AFG1L: variants seen among roughly 807,000 people sequenced by gnomAD.
The protein encoded by AFG1L is AFG1 like ATPase.
Under a neutral mutation model 62.2 loss-of-function variants are expected in AFG1L, and 53 were observed. That is an observed-to-expected ratio of 0.85 (90% CI 0.68 to 1.07). The LOEUF (loss-of-function observed/expected upper bound fraction) is 1.07, where lower values mean the gene tolerates loss of function less well. Among genes scored for constraint, AFG1L ranks in the 50% least tolerant of loss-of-function variants. AFG1L has a pLI of 0.00. For missense variants in AFG1L, 555 were observed against 590.5 expected, an observed-to-expected ratio of 0.94 and a Z score of 0.62; for synonymous variants, 228 against 210.3, an observed-to-expected ratio of 1.08 and a Z score of -0.73.
At chr6:108,353,153 A>ATTTTTT (rs35734578) in intron 3 of AFG1L, among the ~76,000 whole-genome samples, 1 of 121,020 alleles carries the variant, frequency 8.3e-6, no homozygotes, top group Admixed American at 8.3e-5. Flanking sequence ...ACAATGTTTA[A>ATTTTTT]TTTTTTTTTT....
At chr6:108,346,097 G>T (rs2114414107) in intron 2 of AFG1L, among the ~76,000 whole-genome samples, 1 of 152,288 alleles carries the variant, frequency 6.6e-6, no homozygotes, top group South Asian at 2.1e-4. Flanking sequence ...GGCTACTATG[G>T]TTATTGCCTC....
At chr6:108,344,404 C>T (rs528307327) in intron 2 of AFG1L, among the ~76,000 whole-genome samples, 3 of 152,214 alleles carry the variant, frequency 2.0e-5, no homozygotes, top group African/African-American at 7.2e-5. Flanking sequence ...TGAGCCATCG[C>T]GCCCAGCCTA....
chr6:108,505,707 T>G (rs1291475598), intron 10 of AFG1L, among the ~76,000 whole-genome samples: 1 of 152,126 alleles, frequency 6.6e-6, no homozygotes, highest in Non-Finnish European at 1.5e-5. Context: ...TAACAAAAAT[T>G]AAGGGCTCAA....
intron 1 of AFG1L, among the ~76,000 whole-genome samples, chr6:108,317,089 T>G (rs1432717218): frequency 3.3e-5 from 5 of 152,196 alleles, no homozygotes; most frequent in Admixed American, 3.3e-4. Context: ...ACAATTCTTG[T>G]AAGGATATCA....
chr6:108,420,047 A>G (rs1399381750), intron 7 of AFG1L, among the ~76,000 whole-genome samples: 1 of 152,172 alleles, frequency 6.6e-6, no homozygotes, highest in Non-Finnish European at 1.5e-5. Flanking sequence ...AACTTTCAAT[A>G]CCAGAGCTTT....
intron 7 of AFG1L, among the ~76,000 whole-genome samples, chr6:108,408,501 C>T (rs112382164): frequency 2.6e-5 from 4 of 152,212 alleles, no homozygotes; most frequent in Non-Finnish European, 1.5e-5. Context: ...CAAATTCCAA[C>T]TGTTTCAGCA....
At chr6:108,492,830 G>T (rs1319281543) in intron 10 of AFG1L, among the ~76,000 whole-genome samples, 1 of 151,508 alleles carries the variant, frequency 6.6e-6, no homozygotes, top group African/African-American at 2.4e-5. Flanking sequence ...TGTTCTTTAT[G>T]ACTTTAAAGG....
rs776730991 is a variant in AFG1L, at chr6:108,356,745, A to G, written c.573A>G (p.Lys191=). 6.2e-7 allele frequency: 1 copy of G among 1,613,440 alleles called. No homozygotes were observed. The highest frequency in any genetic ancestry group is 1.1e-5 in the South Asian group (1 of 90,916). ...LPKRKPGFMA[K]SYDPIAPIAE... is the part of the protein sequence containing the mutation. ...AAAGGAAACCAGGATTCATGGCTAA[A>G]TCATATGACCCAATAGCTCCCATAG... The change falls in exon 5 of 13, where the codon AAA becomes AAG. Residue 191 remains lysine, a synonymous_variant. Coordinates refer to ENST00000368977, the MANE Select transcript of AFG1L (RefSeq NM_145315.5).
At chr6:108,315,053 C>G (rs552026126) in intron 1 of AFG1L, among the ~76,000 whole-genome samples, 1 of 152,002 alleles carries the variant, frequency 6.6e-6, no homozygotes, top group South Asian at 2.1e-4. Flanking sequence ...GTTGGCCAGG[C>G]TGGCTTTAAG....
At chr6:108,517,295 C>A (rs1202187801) in intron 11 of AFG1L, among the ~76,000 whole-genome samples, 1 of 152,034 alleles carries the variant, frequency 6.6e-6, no homozygotes, top group Admixed American at 6.6e-5. Context: ...TTACTGGTAC[C>A]AAAACAGAGA....
intron 2 of AFG1L, among the ~76,000 whole-genome samples, chr6:108,343,377 A>G (rs947742613): frequency 1.3e-5 from 2 of 151,652 alleles, no homozygotes; most frequent in African/African-American, 4.8e-5. Context: ...AGCAGCATTC[A>G]GCTCTCTCCA....
intron 12 of AFG1L, 61 bp downstream of exon 12, chr6:108,519,871 TG>T: frequency 2.0e-6 from 2 of 1,012,100 alleles, no homozygotes; most frequent in Non-Finnish European, 3.0e-6. Flanking sequence ...TTTGGTTTGA[TG>T]CATGGCTACA....
chr6:108,326,157 A>C (rs945483372), intron 2 of AFG1L, among the ~76,000 whole-genome samples: 3 of 152,080 alleles, frequency 2.0e-5, no homozygotes, highest in African/African-American at 7.2e-5. Context: ...AGTAGCCTTG[A>C]AGTCCTGGGC....
chr6:108,482,287 TATACTG>T (rs1773352880), intron 10 of AFG1L, among the ~76,000 whole-genome samples: 1 of 152,188 alleles, frequency 6.6e-6, no homozygotes, highest in Non-Finnish European at 1.5e-5. Flanking sequence ...ATTCAAAAAG[TATACTG>T]ATACTACTTC....
rs755850207 is a variant in AFG1L, at chr6:108,356,800, C to A, written c.628C>A (p.Leu210Ile). 1 of 1,612,468 alleles carries A rather than the reference C, an allele frequency of 6.2e-7. No homozygotes were observed. Among genetic ancestry groups the A allele is most frequent in the Admixed American group, 1.7e-5 (1 of 59,810 alleles). The part of the protein sequence containing the change: ...AEEISEEACL[L>I]CFDEFQVTDI... ...AGAAATCAGCGAAGAAGCATGTCTC[C>A]TATGTTTTGATGAATTTCAGGTAAA... Residue 210 changes from leucine (L) to isoleucine (I), a missense_variant, in exon 5 of 13, where the codon CTA (leucine) becomes ATA (isoleucine). Coordinates refer to ENST00000368977, the MANE Select transcript of AFG1L (RefSeq NM_145315.5).
chr6:108,313,918 T>C (rs1191974235), intron 1 of AFG1L, among the ~76,000 whole-genome samples: 3 of 152,220 alleles, frequency 2.0e-5, no homozygotes, highest in South Asian at 2.1e-4. Flanking sequence ...AGTAGTTTTA[T>C]TGAAAATAAT....
At position 108,522,500 on chromosome 6, in the gene AFG1L, G is replaced by C. The variant is rs1377864343; in HGVS notation, c.*75G>C. ...GAACTCCTTATTGTGGGACTTGAAG[G>C]AATCATTTTCTCATCATTAATTATG... On this transcript the variant is annotated 3_prime_UTR_variant, in exon 13 of 13. Coordinates refer to ENST00000368977, the MANE Select transcript of AFG1L (RefSeq NM_145315.5). 2 of 1,482,958 alleles carry C rather than the reference G, an allele frequency of 1.3e-6. No homozygotes were observed. The highest frequency in any genetic ancestry group is 1.8e-4 in the Middle Eastern group (1 of 5,650). The allele number at this position is 1,482,958 out of a possible 1,614,324, so 91.9% of individuals were successfully genotyped here.
intron 8 of AFG1L, among the ~76,000 whole-genome samples, chr6:108,475,638 A>G (rs1303373722): frequency 1.3e-5 from 2 of 152,182 alleles, no homozygotes; most frequent in South Asian, 2.1e-4. Context: ...GTCAAATAGC[A>G]TTTCTCCTGC....
chr6:108,398,684 A>G (rs1206205675), intron 6 of AFG1L, among the ~76,000 whole-genome samples: 1 of 152,156 alleles, frequency 6.6e-6, no homozygotes, highest in African/African-American at 2.4e-5. Context: ...CAGTTTTTCC[A>G]GCACTGTTTA....
Sources: allele counts gnomAD v4.1 joint callset (sites outside exome capture counted in the v4.1 genomes callset), GRCh38; gene constraint gnomAD v4.1.1; transcripts MANE v1.5; gene names NCBI Gene and HGNC (gene_info 2026-07-23, HGNC 2026-07-21).